Variants in ADGRD1 observed in about 807,000 individuals in gnomAD.
The protein encoded by ADGRD1 is G-protein coupled receptor 133.
Under a neutral mutation model 113.4 loss-of-function variants are expected in ADGRD1, and 77 were observed. The observed-to-expected ratio is 0.68, with a 90% confidence interval of 0.57 to 0.82. The LOEUF (loss-of-function observed/expected upper bound fraction) is 0.82, where lower values mean the gene tolerates loss of function less well. Ranked by LOEUF, ADGRD1 falls within the 40% of genes least tolerant of loss-of-function variation. The pLI is 0.00. For missense variants in ADGRD1, 1,036 were observed against 1,139.1 expected (o/e 0.91, Z 1.30); for synonymous variants, 474 against 475.0 (o/e 1.00, Z 0.03).
chr12:131,112,365 C>T (rs1236890258), intron 18 of ADGRD1, among the ~76,000 whole-genome samples: 1 of 152,202 alleles, frequency 6.6e-6, no homozygotes, highest in Non-Finnish European at 1.5e-5. Context: ...TAGCTTGGGG[C>T]ACATGATGCT....
intron 20 of ADGRD1, 62 bp from the exon 21 acceptor site, chr12:131,131,663 C>T (rs1051900771): frequency 1.7e-5 from 21 of 1,205,848 alleles, no homozygotes; most frequent in Middle Eastern, 1.9e-4. Context: ...GCCAGGCGGA[C>T]GCAGCTCTCC....
chr12:131,034,105 G>A (rs1404194973), intron 13 of ADGRD1, among the ~76,000 whole-genome samples: 1 of 152,144 alleles, frequency 6.6e-6, no homozygotes, highest in African/African-American at 2.4e-5. Flanking sequence ...CGACGTGGCC[G>A]TCAGGTGGTG....
Position 131,003,428 on chromosome 12 carries a change from A to G in ADGRD1, c.1144+126A>G, listed in dbSNP as rs7301690. 0.45 allele frequency: 325,684 copies of G among 730,840 alleles called. 75,000 individuals are homozygous for G. The highest frequency in any genetic ancestry group is 0.57 in the African/African-American group (33,097 of 58,378). 45.3% of individuals were successfully genotyped at this position (730,840 alleles called of 1,614,324 possible). Reference sequence around the variant, plus strand: ...TGTCTCCCTGACTGCTCTGCCTGGCACAAACCACATTTGGAAGGAAAACCC... The same window carrying G: ...TGTCTCCCTGACTGCTCTGCCTGGCGCAAACCACATTTGGAAGGAAAACCC... On this transcript the variant is annotated intron_variant, in intron 10 of 24. Coordinates refer to ENST00000261654, the MANE Select transcript of ADGRD1 (RefSeq NM_198827.5). The surrounding 1 kb of genome is among the most constrained non-coding windows in gnomAD (Gnocchi z 4.8).
At position 131,140,584 on chromosome 12, in the gene ADGRD1, ACT is replaced by A. The variant is rs1281079675; in HGVS notation, c.*1324_*1325del. ...TTCAAACCTGGTTTTGATACTGGAA[ACT>A]CTTCCTTTAAAACTGTGACCATGAT... On this transcript the variant is annotated 3_prime_UTR_variant, in exon 25 of 25. Transcript: ENST00000261654. 1.3e-5 allele frequency: 2 copies of A among 151,902 alleles called. No individual in the cohort carries two copies. The highest frequency in any genetic ancestry group is 3.4e-3 in the Middle Eastern group (1 of 294). 9.4% of individuals were successfully genotyped at this position (151,902 alleles called of 1,614,324 possible).
intron 13 of ADGRD1, among the ~76,000 whole-genome samples, chr12:131,061,985 A>T (rs1884366643): frequency 6.6e-6 from 1 of 152,180 alleles, no homozygotes; most frequent in African/African-American, 2.4e-5. Flanking sequence ...GTGGTATTTC[A>T]TGGAATGGAG....
At chr12:130,958,991 A>G (rs819120) in intron 2 of ADGRD1, among the ~76,000 whole-genome samples, 80,761 of 152,038 alleles carry the variant, frequency 0.53, 21,633 homozygotes, top group Middle Eastern at 0.64. Context: ...AAGCCCAAGA[A>G]GCTCACAGCG....
rs553261704 is a variant in ADGRD1 at position 131,128,349 on chromosome 12, C to G, written c.2176-3376C>G. 3.3e-5 allele frequency among the ~76,000 whole-genome samples: 5 copies of G among 152,150 alleles called. No individual in the cohort carries two copies. In the East Asian group the frequency reaches 9.7e-4, roughly 29 times the overall value. ...TCACTCAAGTTGCTCGAGATCCTCT[C>G]CAGCATCTCCAGGCATCCCTCTCAT... On this transcript the variant is annotated intron_variant, in intron 20 of 24. Transcript: ENST00000261654.
At position 131,084,764 on chromosome 12, in the gene ADGRD1, G is replaced by A. The variant is rs780498148; in HGVS notation, c.1671+101G>A. On this transcript the variant is annotated intron_variant, in intron 15 of 24. Transcript: ENST00000261654. This position sits in a 1 kb window ranked among gnomAD's most constrained non-coding sequence, Gnocchi z 4.5. ...TTGCCCGCCAGTGCCCACGGGCCCT[G>A]GGCACATTACTCCATGGGGCCTGTG... The A allele has an allele frequency of 6.2e-6, 8 of 1,282,836 alleles. No individual in the cohort carries two copies. Among genetic ancestry groups the A allele is most frequent in the Non-Finnish European group, 7.7e-6 (7 of 910,112 alleles). The allele number at this position is 1,282,836 out of a possible 1,614,324, so 79.5% of individuals were successfully genotyped here.
chr12:131,049,174 G>A (rs956642209), intron 13 of ADGRD1, among the ~76,000 whole-genome samples: 2 of 152,218 alleles, frequency 1.3e-5, no homozygotes, highest in African/African-American at 4.8e-5. Context: ...GAGTCCCTGG[G>A]GTCTCTGGTC....
intron 19 of ADGRD1, 33 bp downstream of exon 19, chr12:131,118,484 G>C: frequency 6.5e-7 from 1 of 1,536,336 alleles, no homozygotes; most frequent in Non-Finnish European, 8.9e-7. Context: ...CTTTTGGCAG[G>C]CGTTCCATGG....
rs1167518358 is a variant in ADGRD1 at position 131,118,433 on chromosome 12, G to A, written c.2090G>A (p.Ser697Asn). 4 of 1,611,656 alleles carry A rather than the reference G, an allele frequency of 2.5e-6. No individual in the cohort carries two copies. In the African/African-American group the frequency reaches 4.0e-5, roughly 16 times the overall value. The part of the protein sequence containing the change: ...CIISLSFAMD[S>N]YGTSNNCWLS... ...ATTTCACTGTCATTTGCCATGGACA[G>A]TTACGGAACAAGCAACAAGTAAGTG... is the stretch of plus-strand genomic sequence containing the variant. The change falls in exon 19 of 25, where the codon AGT becomes AAT. Residue 697 changes from serine (S) to asparagine (N), a missense_variant. Transcript: ENST00000261654.
At chr12:130,960,852 T>C (rs1026860586) in intron 2 of ADGRD1, among the ~76,000 whole-genome samples, 1 of 151,828 alleles carries the variant, frequency 6.6e-6, no homozygotes, top group African/African-American at 2.4e-5. Flanking sequence ...AAAGAGTGGA[T>C]GGTGGTGGCG....
At chr12:130,958,643 C>T (rs980417399) in intron 2 of ADGRD1, among the ~76,000 whole-genome samples, 4 of 152,212 alleles carry the variant, frequency 2.6e-5, no homozygotes, top group Admixed American at 1.3e-4. Flanking sequence ...TTGAGGCTCG[C>T]CTGCCCCCGG....
intron 13 of ADGRD1, among the ~76,000 whole-genome samples, chr12:131,073,823 T>C (rs1885369671): frequency 6.6e-6 from 1 of 152,212 alleles, no homozygotes; most frequent in African/African-American, 2.4e-5. Flanking sequence ...ATCAACCTAA[T>C]TTCATGAGAA....
At chr12:131,066,495 C>T (rs1884733429) in intron 13 of ADGRD1, among the ~76,000 whole-genome samples, 1 of 152,220 alleles carries the variant, frequency 6.6e-6, no homozygotes, top group Non-Finnish European at 1.5e-5. Flanking sequence ...CTACCGCAGG[C>T]CACCTTGTGT....
intron 22 of ADGRD1, among the ~76,000 whole-genome samples, chr12:131,136,579 C>A (rs1951092894): frequency 6.6e-6 from 1 of 152,222 alleles, no homozygotes; most frequent in East Asian, 1.9e-4. Context: ...CACAGGCCCC[C>A]AAGGAAGGGC....
intron 2 of ADGRD1, among the ~76,000 whole-genome samples, chr12:130,963,187 G>A (rs923400031): frequency 3.9e-5 from 6 of 151,922 alleles, no homozygotes; most frequent in Non-Finnish European, 8.8e-5. Flanking sequence ...AGGCGTGGTG[G>A]CGGGCGCCTG....
chr12:131,045,130 T>G (rs1422384317), intron 13 of ADGRD1, among the ~76,000 whole-genome samples: 1 of 152,198 alleles, frequency 6.6e-6, no homozygotes, highest in African/African-American at 2.4e-5. Flanking sequence ...GGCACACGCC[T>G]CCCACACCAC....
chr12:131,110,018 C>T (rs11061330), intron 18 of ADGRD1, among the ~76,000 whole-genome samples: 24,653 of 152,200 alleles, frequency 0.16, 3,304 homozygotes, highest in East Asian at 0.64. Context: ...AGACTCGCTC[C>T]AGCTTTCTTG....
Sources: gnomAD v4.1 joint callset for allele counts (sites outside exome capture counted in the v4.1 genomes callset) on GRCh38, gnomAD v4.1.1 for gene constraint, Gnocchi (gnomAD v3.1) non-coding constraint, MANE v1.5 for transcripts, NCBI Gene and HGNC (gene_info 2026-07-23, HGNC 2026-07-21) for gene names.